Variants in SGTB observed in about 807,000 individuals in gnomAD.
The protein encoded by SGTB is small glutamine rich tetratricopeptide repeat co-chaperone beta.
Under a neutral mutation model 43.9 loss-of-function variants are expected in SGTB, and 19 were observed. That is an observed-to-expected ratio of 0.43 (90% CI 0.30 to 0.63). SGTB has a LOEUF of 0.63. SGTB is among the 30% of genes least tolerant of loss of function. The pLI is 0.12. For missense variants in SGTB, 304 were observed against 358.9 expected, an observed-to-expected ratio of 0.85 and a Z score of 1.24; for synonymous variants, 116 against 117.3, an observed-to-expected ratio of 0.99 and a Z score of 0.07.
intron 2 of SGTB, among the ~76,000 whole-genome samples, chr5:65,716,632 C>T (rs1225745113): frequency 3.3e-5 from 5 of 152,138 alleles, no homozygotes; most frequent in East Asian, 1.9e-4. Context: ...GAAAAGATGA[C>T]GCTGACATAA....
chr5:65,676,613 A>C (rs1319958179), intron 8 of SGTB, among the ~76,000 whole-genome samples: 2 of 152,120 alleles, frequency 1.3e-5, no homozygotes, highest in South Asian at 2.1e-4. Flanking sequence ...TCCACCCAAA[A>C]ACAACAGAAT....
chr5:65,684,709 T>C (rs1757463342), intron 6 of SGTB, among the ~76,000 whole-genome samples: 1 of 152,066 alleles, frequency 6.6e-6, no homozygotes, highest in Non-Finnish European at 1.5e-5. Flanking sequence ...CTCATCACCA[T>C]GCCTGGCTAA....
chr5:65,722,393 T>C, upstream of SGTB: 1 of 1,591,646 alleles, frequency 6.3e-7, no homozygotes, highest in Non-Finnish European at 8.5e-7. Flanking sequence ...CGGTGCCTTT[T>C]GGCTGTGCGA....
intron 6 of SGTB, among the ~76,000 whole-genome samples, chr5:65,684,276 G>A (rs1757455462): frequency 6.6e-6 from 1 of 151,998 alleles, no homozygotes; most frequent in Non-Finnish European, 1.5e-5. Flanking sequence ...TAGAGATGGG[G>A]TCTTGCTATG....
intron 5 of SGTB, among the ~76,000 whole-genome samples, chr5:65,696,865 AAAAG>A (rs1201753896): frequency 1.3e-5 from 2 of 152,244 alleles, no homozygotes; most frequent in African/African-American, 4.8e-5. Flanking sequence ...CAAGTACCAG[AAAAG>A]AAAGAGTCAT....
At chr5:65,695,184 T>C (rs1432498443) in intron 5 of SGTB, among the ~76,000 whole-genome samples, 1 of 151,916 alleles carries the variant, frequency 6.6e-6, no homozygotes, top group Non-Finnish European at 1.5e-5. Context: ...ACTAAGGGAG[T>C]AGGAAATAAA....
intron 2 of SGTB, among the ~76,000 whole-genome samples, chr5:65,717,925 G>C (rs1372878626): frequency 6.6e-6 from 1 of 152,098 alleles, no homozygotes; most frequent in Non-Finnish European, 1.5e-5. Context: ...GCAAGAAAGG[G>C]AAGGAGATAC....
rs140553248 is a variant in SGTB at position 65,685,992 on chromosome 5, T to G, written c.375-520A>C. Among the ~76,000 whole-genome samples, 713 of 152,346 alleles carry G rather than the reference T, an allele frequency of 4.7e-3. 5 individuals carry two copies. Among genetic ancestry groups the G allele is most frequent in the South Asian group, 8.7e-3 (42 of 4,828 alleles). On this transcript the variant is annotated intron_variant, in intron 5 of 10. Transcript: ENST00000381007. ...AGGCTCCCAGAAGTTCTCATAATCT[T>G]GTCCCTCATCAAAAGGTTGAAGAGC...
intron 5 of SGTB, among the ~76,000 whole-genome samples, chr5:65,691,236 C>CAAT (rs1757601296): frequency 6.6e-6 from 1 of 152,086 alleles, no homozygotes; most frequent in African/African-American, 2.4e-5. Context: ...GACCTAGAAG[C>CAAT]AATAAGACCT....
chr5:65,722,235 AG>A (rs1758319032), upstream of SGTB: 1 of 465,202 alleles, frequency 2.1e-6, no homozygotes. Flanking sequence ...CGCACGTGGG[AG>A]GGCGCTGGCC....
At chr5:65,679,337 A>G (rs1757346891) in intron 8 of SGTB, among the ~76,000 whole-genome samples, 1 of 152,170 alleles carries the variant, frequency 6.6e-6, no homozygotes, top group Non-Finnish European at 1.5e-5. Context: ...AAAACTCAAA[A>G]ACAGGCCAGG....
At chr5:65,686,327 A>G (rs1421077438) in intron 5 of SGTB, among the ~76,000 whole-genome samples, 2 of 152,120 alleles carry the variant, frequency 1.3e-5, no homozygotes, top group African/African-American at 4.8e-5. Context: ...GCATTAATAA[A>G]GGTAAAGAAG....
In SGTB at chr5:65,670,138, C is replaced by T; in HGVS notation, c.*108G>A. 3.6e-6 allele frequency: 3 copies of T among 832,220 alleles called. No homozygotes were observed. The highest frequency in any genetic ancestry group is 5.8e-6 in the Non-Finnish European group (3 of 521,500). 51.6% of individuals were successfully genotyped at this position (832,220 alleles called of 1,614,324 possible). On this transcript the variant is annotated 3_prime_UTR_variant, in exon 11 of 11. Coordinates refer to ENST00000381007, the MANE Select transcript of SGTB (RefSeq NM_019072.3). ...GTTTTCCTCCATTATTTTCACACAT[C>T]AGATATGGTGTTTGGTTTTTTGAAG...
intron 5 of SGTB, among the ~76,000 whole-genome samples, chr5:65,685,978 A>T (rs1177035280): frequency 6.6e-6 from 1 of 152,244 alleles, no homozygotes; most frequent in Non-Finnish European, 1.5e-5. Context: ...GGCTCCCAGA[A>T]GTTCTCATAA....
rs1758303928 is a variant in SGTB at position 65,722,026 on chromosome 5, T to A, written c.-132A>T. 1 of 154,716 alleles carries A rather than the reference T, an allele frequency of 6.5e-6. No homozygotes were observed. Among genetic ancestry groups the A allele is most frequent in the Non-Finnish European group, 1.4e-5 (1 of 69,846 alleles). 9.6% of individuals were successfully genotyped at this position (154,716 alleles called of 1,614,324 possible). A position where few individuals can be genotyped will look rare whatever the true frequency, so the allele number is the denominator to read the frequency against. ...GCCCGGCTCGGGATCGCAGCACTGG[T>A]CGCGGCGGCGCAAACTTCCCCGGCC... On this transcript the variant is annotated 5_prime_UTR_variant, in exon 1 of 11. Transcript: ENST00000381007.
At chr5:65,710,278 A>G (rs1299844082) in intron 3 of SGTB, among the ~76,000 whole-genome samples, 1 of 152,174 alleles carries the variant, frequency 6.6e-6, no homozygotes, top group African/African-American at 2.4e-5. Context: ...CACTTTATAC[A>G]TGGGAAAAAG....
intron 1 of SGTB, 85 bp from the exon 2 acceptor site, chr5:65,720,914 TA>T: frequency 7.3e-7 from 1 of 1,374,068 alleles, no homozygotes; most frequent in Non-Finnish European, 9.7e-7. Context: ...TGATATGGGT[TA>T]TAAAGTGTAT....
chr5:65,711,670 T>A (rs1194196267), intron 3 of SGTB, among the ~76,000 whole-genome samples: 1 of 152,246 alleles, frequency 6.6e-6, no homozygotes, highest in African/African-American at 2.4e-5. Context: ...ATCCGTTTGA[T>A]GAATTAATGA....
At chr5:65,704,453 A>G in intron 4 of SGTB, 75 bp from the exon 5 acceptor site, 2 of 1,101,098 alleles carry the variant, frequency 1.8e-6, no homozygotes, top group South Asian at 3.8e-5. Context: ...ACACATTTTA[A>G]TCGTGGAAAC....
Sources: allele counts gnomAD v4.1 joint callset (sites outside exome capture counted in the v4.1 genomes callset), GRCh38; gene constraint gnomAD v4.1.1; transcripts MANE v1.5; gene names NCBI Gene and HGNC (gene_info 2026-07-23, HGNC 2026-07-21).